PRKCQ: variants seen among roughly 807,000 people sequenced by gnomAD.
PRKCQ encodes protein kinase C theta.
PRKCQ carries 41 observed loss-of-function variants against 91.2 expected under a neutral mutation model. The ratio of observed to expected loss-of-function variants is 0.45; its 90% CI spans 0.35 to 0.58. The LOEUF is 0.58. Ranked by LOEUF, PRKCQ falls within the 20% of genes least tolerant of loss-of-function variation. The pLI is 0.00. For missense variants in PRKCQ, 673 were observed against 896.5 expected, an observed-to-expected ratio of 0.75 and a Z score of 3.18; for synonymous variants, 307 against 316.9, an observed-to-expected ratio of 0.97 and a Z score of 0.33.
In PRKCQ at chr10:6,483,429, C is replaced by T; in HGVS notation, c.1179+11G>A. On this transcript the variant is annotated intron_variant, in intron 11 of 17. Transcript: ENST00000263125. ...AGTTGGGCCATAGCATTCTCCCGTG[C>T]ATTAGCTTACCTTGCCAAAACTTCC... 1.9e-6 allele frequency: 3 copies of T among 1,614,150 alleles called. No individual in the cohort carries two copies. The highest frequency in any genetic ancestry group is 2.5e-6 in the Non-Finnish European group (3 of 1,179,996).
chr10:6,577,204 A>T (rs1389685151), intron 1 of PRKCQ, among the ~76,000 whole-genome samples: 1 of 152,124 alleles, frequency 6.6e-6, no homozygotes, highest in Admixed American at 6.5e-5. Context: ...TAATTTTAAA[A>T]CTCTGATGCT....
At chr10:6,464,244 AAG>A in intron 13 of PRKCQ, 67 bp downstream of exon 13, 1 of 1,430,264 alleles carries the variant, frequency 7.0e-7, no homozygotes, top group Non-Finnish European at 9.7e-7. Context: ...AGTGGGAAAA[AAG>A]GAAAAAAAAA....
intron 1 of PRKCQ, among the ~76,000 whole-genome samples, chr10:6,571,016 G>A (rs112310755): frequency 2.4e-4 from 37 of 152,154 alleles, no homozygotes; most frequent in Non-Finnish European, 4.9e-4. Flanking sequence ...TGCTGAGTGC[G>A]AGGGGACGGC....
intron 3 of PRKCQ, among the ~76,000 whole-genome samples, chr10:6,508,496 G>A (rs1838310282): frequency 6.6e-6 from 1 of 152,238 alleles, no homozygotes; most frequent in Non-Finnish European, 1.5e-5. Context: ...TAATAGCAAT[G>A]CCTATGTCAC....
In PRKCQ at chr10:6,540,825, G is replaced by A. The variant is rs533386234; in HGVS notation, c.-9-25681C>T. Among the ~76,000 whole-genome samples, 5 of 152,302 alleles carry A rather than the reference G, an allele frequency of 3.3e-5. No individual in the cohort carries two copies. The South Asian group carries it at 1.0e-3, about 32-fold the overall frequency. On this transcript the variant is annotated intron_variant, in intron 1 of 17. Transcript: ENST00000263125. ...CACTGCACTGTTTTCCTCAGAGTCT[G>A]TACCACTTCACATGTCCACCAGCAA...
At chr10:6,575,259 A>G (rs530525511) in intron 1 of PRKCQ, among the ~76,000 whole-genome samples, 1 of 152,322 alleles carries the variant, frequency 6.6e-6, no homozygotes, top group Admixed American at 6.5e-5. Flanking sequence ...GAGGCTTGCA[A>G]CAAAGGCCTG....
rs1837702130 is a variant in PRKCQ, at chr10:6,497,878, G to T, written c.542+518C>A. ...TAATAGGCTAGGATGCTGAGAGCCA[G>T]AAACAGGAGTTATTTCAAGTCTCCA... On this transcript the variant is annotated intron_variant, in intron 5 of 17. Transcript: ENST00000263125. This position sits in a 1 kb window ranked among gnomAD's most constrained non-coding sequence, Gnocchi z 4.5. 6.6e-6 allele frequency among the ~76,000 whole-genome samples: 1 copy of T among 152,206 alleles called. No homozygotes were observed. Among genetic ancestry groups the T allele is most frequent in the African/African-American group, 2.4e-5 (1 of 41,450 alleles).
chr10:6,539,445 C>T (rs751525737), intron 1 of PRKCQ, among the ~76,000 whole-genome samples: 24 of 151,834 alleles, frequency 1.6e-4, no homozygotes, highest in Non-Finnish European at 3.1e-4. Context: ...TCATGAACTG[C>T]GCAAGTGAGA....
chr10:6,511,089 T>C lies in PRKCQ; in HGVS notation c.224A>G (p.Lys75Arg). ...NKGRVMQIIV[K>R]GKNVDLISET... is the part of the protein sequence containing the mutation. ...AGAGATGAGGTCCACGTTTTTGCCT[T>C]TCACAATGATCTGCATGACTCTTCC... Residue 75 changes from lysine to arginine, a missense_variant, in exon 3 of 18, where the codon AAA (lysine) becomes AGA (arginine). By Grantham distance (26) the Lys-to-Arg change is conservative (BLOSUM62 2). Transcript: ENST00000263125. The C allele has an allele frequency of 6.2e-7, 1 of 1,614,182 alleles. No homozygotes were observed. The highest frequency in any genetic ancestry group is 1.3e-5 in the African/African-American group (1 of 75,040).
At chr10:6,446,801 A>C (rs1834333781) in intron 15 of PRKCQ, among the ~76,000 whole-genome samples, 2 of 152,352 alleles carry the variant, frequency 1.3e-5, no homozygotes, top group South Asian at 4.1e-4. Context: ...TTTGACCCAA[A>C]GAATCAGATG....
chr10:6,471,224 A>T (rs975674997), intron 12 of PRKCQ, among the ~76,000 whole-genome samples: 2 of 149,412 alleles, frequency 1.3e-5, no homozygotes, highest in African/African-American at 4.8e-5. Context: ...AAAAGAAAAG[A>T]GCGAAACATG....
At chr10:6,457,376 G>A (rs762223498) in intron 14 of PRKCQ, among the ~76,000 whole-genome samples, 4 of 152,122 alleles carry the variant, frequency 2.6e-5, no homozygotes, top group East Asian at 1.9e-4. Flanking sequence ...ACAATTAACC[G>A]AACTTTGCTT....
At position 6,430,446 on chromosome 10, in the gene PRKCQ, C is replaced by T. The variant is rs1397749078; in HGVS notation, c.1965+364G>A. Among the ~76,000 whole-genome samples, 1 of 152,160 alleles carries T rather than the reference C, an allele frequency of 6.6e-6. No homozygotes were observed. The highest frequency in any genetic ancestry group is 6.5e-5 in the Admixed American group (1 of 15,276). ...CTGACGTAGGATGCAGGGTTTATGT[C>T]CAAGTTTGGGTTACCCAGACTGGAC... On this transcript the variant is annotated intron_variant, in intron 17 of 17. Transcript: ENST00000263125. This position sits in a 1 kb window ranked among gnomAD's most constrained non-coding sequence, Gnocchi z 4.7.
chr10:6,528,734 G>A (rs914447671), intron 1 of PRKCQ, among the ~76,000 whole-genome samples: 27 of 152,296 alleles, frequency 1.8e-4, no homozygotes, highest in African/African-American at 6.3e-4. Context: ...AAACTAATAC[G>A]TTATTTCTTG....
rs183368385 is a variant in PRKCQ at position 6,544,659 on chromosome 10, C to T, written c.-9-29515G>A. 4.2e-3 allele frequency among the ~76,000 whole-genome samples: 626 copies of T among 148,204 alleles called. 4 individuals are homozygous for T. Among genetic ancestry groups the T allele is most frequent in the Admixed American group, 0.011 (162 of 14,814 alleles). On this transcript the variant is annotated intron_variant, in intron 1 of 17. Transcript: ENST00000263125. ...TTTTTTTTGAGGAGTCTCTTTCTAT[C>T]GCATAGGCTGGAGTGCAGTGGCATG...
the PRKCQ span, among the ~76,000 whole-genome samples, chr10:6,411,343 A>T: frequency 6.6e-6 from 1 of 152,166 alleles, no homozygotes; most frequent in Admixed American, 6.5e-5. Context: ...AGCTATGATT[A>T]TTTTTTTCCT....
At chr10:6,417,733 G>C in the PRKCQ span, among the ~76,000 whole-genome samples, 1 of 152,222 alleles carries the variant, frequency 6.6e-6, no homozygotes. Flanking sequence ...ATCCAGCCAG[G>C]TGAGCAGCCA....
chr10:6,414,660 TAATC>T, the PRKCQ span, among the ~76,000 whole-genome samples: 3 of 152,264 alleles, frequency 2.0e-5, no homozygotes, highest in Non-Finnish European at 2.9e-5. Flanking sequence ...ATGTCTGAGA[TAATC>T]AATACATTGA....
chr10:6,541,362 C>T (rs746657936), intron 1 of PRKCQ, among the ~76,000 whole-genome samples: 23 of 152,200 alleles, frequency 1.5e-4, no homozygotes, highest in Non-Finnish European at 2.8e-4. Context: ...GTGTGGTCTG[C>T]TATAAATCTG....
Sources: gnomAD v4.1 joint callset for allele counts (sites outside exome capture counted in the v4.1 genomes callset) on GRCh38, gnomAD v4.1.1 for gene constraint, Gnocchi (gnomAD v3.1) non-coding constraint, MANE v1.5 for transcripts, NCBI Gene and HGNC (gene_info 2026-07-23, HGNC 2026-07-21) for gene names.